The following ABCC9 variants were observed in gnomAD, a reference collection of about 807,000 sequenced individuals.
ABCC9 encodes ATP binding cassette subfamily C member 9, also known as ATP-binding cassette sub-family C member 9.
In ABCC9, 95 loss-of-function variants were observed where a neutral mutation model predicts 188.3. That is an observed-to-expected ratio of 0.50 (90% CI 0.43 to 0.60). ABCC9 has a LOEUF of 0.60. Ranked by LOEUF, ABCC9 falls within the 20% of genes least tolerant of loss-of-function variation. ABCC9 has a pLI of 0.00. For missense variants in ABCC9, 1,102 were observed against 1,876.3 expected (o/e 0.59, Z 7.62); for synonymous variants, 659 against 652.7 (o/e 1.01, Z -0.15).
intron 30 of ABCC9, among the ~76,000 whole-genome samples, chr12:21,832,037 A>G (rs1200124822): frequency 2.0e-5 from 3 of 152,174 alleles, no homozygotes. Flanking sequence ...AATGCAGTGA[A>G]CATTCTTTCT....
Position 21,799,475 on chromosome 12 carries a change from G to A in ABCC9, c.*1569C>T, listed in dbSNP as rs1941332109. ...CTGTTTAGCTTTAAGAAAACAATAA[G>A]GTTATTTTCTTCCAAGGAAGTTTTA... On this transcript the variant is annotated 3_prime_UTR_variant, in exon 40 of 40. Transcript: ENST00000261200. 1 of 152,010 alleles carries A rather than the reference G, an allele frequency of 6.6e-6. No individual in the cohort carries two copies. Among genetic ancestry groups the A allele is most frequent in the Non-Finnish European group, 1.5e-5 (1 of 67,990 alleles). The allele number at this position is 152,010 out of a possible 1,614,324, so 9.4% of individuals were successfully genotyped here.
At chr12:21,840,433 C>G (rs1222491710) in intron 29 of ABCC9, among the ~76,000 whole-genome samples, 2 of 152,204 alleles carry the variant, frequency 1.3e-5, no homozygotes, top group Non-Finnish European at 2.9e-5. Context: ...ATACTTTAGT[C>G]TCTAATAGAT....
At chr12:21,915,323 ATGTGTG>A (rs1355460490) in intron 7 of ABCC9, among the ~76,000 whole-genome samples, 2 of 111,842 alleles carry the variant, frequency 1.8e-5, no homozygotes, top group African/African-American at 6.4e-5. Context: ...ATGTGTATAT[ATGTGTG>A]TATATATAGA....
chr12:21,913,083 G>GA lies in ABCC9; in HGVS notation c.817-18dup, dbSNP rs199947733. The GA allele has an allele frequency of 0.028, 33,400 of 1,185,372 alleles. 67 individuals are homozygous for GA. Among genetic ancestry groups the GA allele is most frequent in the East Asian group, 0.12 (3,939 of 33,002 alleles). 73.4% of individuals were successfully genotyped at this position (1,185,372 alleles called of 1,614,324 possible). Reference sequence around the variant, plus strand: ...AACTTTTTTCTGAAGAAAAAAAAAAGAAAAAAAAAACAGATGTAACAAAAT... The same window carrying GA: ...AACTTTTTTCTGAAGAAAAAAAAAAGAAAAAAAAAAACAGATGTAACAAAAT... On this transcript the variant is annotated splice_polypyrimidine_tract_variant and intron_variant, in intron 7 of 39. Transcript: ENST00000261200.
Position 21,858,703 on chromosome 12 carries a change from A to G in ABCC9, c.2505+883T>C, listed in dbSNP as rs182132822. ...GGTATTCTTAGGGGGATGAATTAGT[A>G]TGTCCAAATTCTGCTACCATCCCCA... On this transcript the variant is annotated intron_variant, in intron 22 of 39. Coordinates refer to ENST00000261200, the MANE Select transcript of ABCC9 (RefSeq NM_020297.4). Among the ~76,000 whole-genome samples, 4 of 152,282 alleles carry G rather than the reference A, an allele frequency of 2.6e-5. No individual in the cohort carries two copies. In the East Asian group the frequency reaches 5.8e-4, roughly 22 times the overall value.
intron 30 of ABCC9, among the ~76,000 whole-genome samples, chr12:21,835,366 CACAA>C (rs1944017222): frequency 6.6e-6 from 1 of 152,182 alleles, no homozygotes. Flanking sequence ...AATGCAAACA[CACAA>C]ACAGTTGATT....
At chr12:21,860,382 T>C (rs964605193) in intron 21 of ABCC9, among the ~76,000 whole-genome samples, 1 of 152,198 alleles carries the variant, frequency 6.6e-6, no homozygotes, top group Admixed American at 6.5e-5. Context: ...TCAGCCTTGA[T>C]TTTTGCAGCT....
chr12:21,825,247 G>T (rs1426563039), intron 31 of ABCC9, among the ~76,000 whole-genome samples: 2 of 152,118 alleles, frequency 1.3e-5, no homozygotes, highest in Non-Finnish European at 2.9e-5. Flanking sequence ...ATTCCTCAAG[G>T]ATCTAGAACC....
At chr12:21,814,505 G>T (rs1307257925) in intron 35 of ABCC9, 139 bp downstream of exon 35, 4 of 725,522 alleles carry the variant, frequency 5.5e-6, no homozygotes, top group African/African-American at 3.5e-5. Context: ...TGTTTATTTG[G>T]GATATCTGCC....
At chr12:21,819,744 A>T (rs1591977437) in intron 31 of ABCC9, among the ~76,000 whole-genome samples, 1 of 152,222 alleles carries the variant, frequency 6.6e-6, no homozygotes, top group Non-Finnish European at 1.5e-5. Context: ...AAAAATGTGT[A>T]TGCATCATAA....
intron 33 of ABCC9, among the ~76,000 whole-genome samples, chr12:21,816,972 T>C (rs1336218900): frequency 1.3e-5 from 2 of 152,134 alleles, no homozygotes; most frequent in Non-Finnish European, 2.9e-5. Context: ...TGTCATTAAA[T>C]AAATATCTGT....
At chr12:21,872,904 A>AT (rs1946150524) in intron 17 of ABCC9, among the ~76,000 whole-genome samples, 174 bp from the exon 18 acceptor site, 2 of 150,848 alleles carry the variant, frequency 1.3e-5, no homozygotes, top group South Asian at 4.2e-4. Flanking sequence ...GAAAAGGAAA[A>AT]ATATATATAT....
intron 8 of ABCC9, among the ~76,000 whole-genome samples, chr12:21,912,364 A>G (rs150766731): frequency 3.0e-4 from 45 of 152,192 alleles, no homozygotes; most frequent in African/African-American, 1.1e-3. Context: ...TAGCCCCAAT[A>G]TAATAACATA....
chr12:21,911,065 A>C, intron 8 of ABCC9, 87 bp from the exon 9 acceptor site: 1 of 1,248,758 alleles, frequency 8.0e-7, no homozygotes, highest in Non-Finnish European at 1.1e-6. Flanking sequence ...AAGATACATA[A>C]TATTTAAATA....
In ABCC9 at chr12:21,894,382, A is replaced by C. The variant is rs1483830833; in HGVS notation, c.1660-208T>G. On this transcript the variant is annotated intron_variant, in intron 13 of 39. Coordinates refer to ENST00000261200, the MANE Select transcript of ABCC9 (RefSeq NM_020297.4). ...TACCTGCAATTATAGTGGCAAACTT[A>C]TGAGAAAGTTAGAAAAAAATTCTAC... is the stretch of plus-strand genomic sequence containing the variant. 4.6e-5 allele frequency among the ~76,000 whole-genome samples: 7 copies of C among 152,216 alleles called. No homozygotes were observed. In the East Asian group the frequency reaches 7.7e-4, roughly 17 times the overall value.
chr12:21,928,997 A>G (rs1384685050), intron 4 of ABCC9, among the ~76,000 whole-genome samples: 1 of 152,184 alleles, frequency 6.6e-6, no homozygotes, highest in Non-Finnish European at 1.5e-5. Context: ...TTAAAGTATT[A>G]TATTGCAAAG....
chr12:21,838,047 A>C, intron 30 of ABCC9, 31 bp downstream of exon 30: 1 of 1,474,848 alleles, frequency 6.8e-7, no homozygotes, highest in South Asian at 1.1e-5. Flanking sequence ...GTTATTGCCT[A>C]GTCAGCTAAT....
intron 12 of ABCC9, among the ~76,000 whole-genome samples, chr12:21,905,900 A>G (rs1183903140): frequency 6.6e-6 from 1 of 152,134 alleles, no homozygotes; most frequent in Non-Finnish European, 1.5e-5. Context: ...TGAGGAATCA[A>G]ATTCAGGTCT....
rs369389402 is a variant in ABCC9, at chr12:21,845,623, T to C, written c.3076A>G (p.Asn1026Asp). The stretch of plus-strand genomic sequence containing the variant: ...TGTACCTGATCAGCTTTTCCAGTAT[T>C]GTTTATACTGTACTCCGATGTCCAT... ...ATWTSEYSIN[N>D]TGKADQTYYV... Residue 1026 changes from asparagine (N) to aspartate (D), a missense_variant, in exon 26 of 40, where the codon AAT becomes GAT. By Grantham distance (23) the Asn-to-Asp change is conservative. This residue lies in a region of ABCC9 where 74 missense variants were observed against 132.7 expected (regional missense o/e 0.56). Coordinates refer to ENST00000261200, the MANE Select transcript of ABCC9 (RefSeq NM_020297.4). 1.2e-6 allele frequency: 2 copies of C among 1,613,476 alleles called. No individual in the cohort carries two copies. Among genetic ancestry groups the C allele is most frequent in the Non-Finnish European group, 1.7e-6 (2 of 1,179,520 alleles).
Sources: gnomAD v4.1 joint callset for allele counts (sites outside exome capture counted in the v4.1 genomes callset) on GRCh38, gnomAD v4.1.1 for gene constraint, gnomAD v4.1.1 regional missense constraint, MANE v1.5 for transcripts, NCBI Gene and HGNC (gene_info 2026-07-23, HGNC 2026-07-21) for gene names.